The following AQP9 variants were observed in gnomAD, a reference collection of about 807,000 sequenced individuals.
AQP9 encodes the protein aquaporin 9, also known as aquaporin-9.
A neutral mutation model predicts 23.8 loss-of-function variants in AQP9; 19 were observed. The ratio of observed to expected loss-of-function variants is 0.80; its 90% confidence interval spans 0.56 to 1.17. The LOEUF (loss-of-function observed/expected upper bound fraction) is 1.17, where lower values mean the gene tolerates loss of function less well. Among genes scored for constraint, AQP9 ranks in the 50% most tolerant of loss-of-function variants. The pLI is 0.00. For missense variants in AQP9, 413 were observed against 362.0 expected, an observed-to-expected ratio of 1.14 and a Z score of -1.14; for synonymous variants, 153 against 131.5, an observed-to-expected ratio of 1.16 and a Z score of -1.12.
At chr15:58,154,799 T>A (rs1226673846) in intron 1 of AQP9, among the ~76,000 whole-genome samples, 7 of 151,396 alleles carry the variant, frequency 4.6e-5, no homozygotes, top group African/African-American at 1.5e-4. Flanking sequence ...ATTAACCCTA[T>A]CCCCTCCCCA....
At chr15:58,179,080 G>T in intron 4 of AQP9, 48 bp from the exon 5 acceptor site, 2 of 1,340,990 alleles carry the variant, frequency 1.5e-6, no homozygotes, top group Non-Finnish European at 2.1e-6. Context: ...AGACATGCAG[G>T]TGAGCAGAAT....
intron 5 of AQP9, among the ~76,000 whole-genome samples, chr15:58,183,044 T>G (rs1031269067): frequency 1.1e-4 from 16 of 152,218 alleles, no homozygotes; most frequent in African/African-American, 3.6e-4. Flanking sequence ...TTCAGCATAA[T>G]GATGAAAAGA....
At chr15:58,161,718 C>T (rs1898386796) in intron 1 of AQP9, among the ~76,000 whole-genome samples, 1 of 152,126 alleles carries the variant, frequency 6.6e-6, no homozygotes, top group Non-Finnish European at 1.5e-5. Flanking sequence ...TGAGTTTATA[C>T]TAAAAACAAT....
intron 1 of AQP9, among the ~76,000 whole-genome samples, chr15:58,141,244 C>T (rs1310359852): frequency 6.6e-6 from 1 of 152,198 alleles, no homozygotes; most frequent in Non-Finnish European, 1.5e-5. Flanking sequence ...ATTCTCCTCT[C>T]TCTTCAAACT....
intron 1 of AQP9, among the ~76,000 whole-genome samples, chr15:58,141,923 A>G (rs1408404181): frequency 6.6e-6 from 1 of 152,246 alleles, no homozygotes; most frequent in Non-Finnish European, 1.5e-5. Context: ...AAATTAAAGG[A>G]AACGTCCACT....
At chr15:58,146,568 A>T (rs987142967) in intron 1 of AQP9, among the ~76,000 whole-genome samples, 1 of 151,828 alleles carries the variant, frequency 6.6e-6, no homozygotes, top group African/African-American at 2.4e-5. Flanking sequence ...GTTGCGGGGG[A>T]GTGAATCATT....
chr15:58,181,963 T>C (rs1325150253), intron 5 of AQP9, among the ~76,000 whole-genome samples: 1 of 151,734 alleles, frequency 6.6e-6, no homozygotes, highest in Non-Finnish European at 1.5e-5. Flanking sequence ...CCTCAGTAGA[T>C]ATCCTAGCTT....
intron 1 of AQP9, among the ~76,000 whole-genome samples, chr15:58,147,337 T>G (rs1318411597): frequency 6.6e-6 from 1 of 152,092 alleles, no homozygotes; most frequent in Non-Finnish European, 1.5e-5. Flanking sequence ...TGGCCCTTAT[T>G]TACTCATCAG....
intron 1 of AQP9, among the ~76,000 whole-genome samples, chr15:58,161,114 C>T (rs1898372438): frequency 1.3e-5 from 2 of 152,026 alleles, no homozygotes; most frequent in South Asian, 4.1e-4. Context: ...CTTCATCTGG[C>T]ATGGTCTCTG....
At chr15:58,181,101 G>T (rs1595748179) in intron 5 of AQP9, among the ~76,000 whole-genome samples, 1 of 152,156 alleles carries the variant, frequency 6.6e-6, no homozygotes, top group East Asian at 1.9e-4. Flanking sequence ...GAGACATGGT[G>T]GTTCCAAAAC....
rs1899015860 is a variant in AQP9 at position 58,185,726 on chromosome 15, C to T, written c.*1591C>T. 6.6e-6 allele frequency: 1 copy of T among 152,168 alleles called. No homozygotes were observed. Among genetic ancestry groups the T allele is most frequent in the Non-Finnish European group, 1.5e-5 (1 of 68,032 alleles). The allele number at this position is 152,168 out of a possible 1,614,324, so 9.4% of individuals were successfully genotyped here. A position where few individuals can be genotyped will look rare whatever the true frequency, so the allele number is the denominator to read the frequency against. On this transcript the variant is annotated 3_prime_UTR_variant, in exon 6 of 6. Transcript: ENST00000219919. ...CACCTTCAGTCAAACTGTCAAAAAG[C>T]CCAGAATTCCCAAAGGCATTAGGTT...
chr15:58,183,711 A>C (rs1429127088), intron 5 of AQP9, among the ~76,000 whole-genome samples: 1 of 152,160 alleles, frequency 6.6e-6, no homozygotes, highest in Non-Finnish European at 1.5e-5. Flanking sequence ...ATTTTATAAA[A>C]AGAAAATAAA....
chr15:58,174,663 C>A (rs1898699290), intron 3 of AQP9, among the ~76,000 whole-genome samples: 2 of 152,262 alleles, frequency 1.3e-5, no homozygotes, highest in African/African-American at 4.8e-5. Context: ...ATTCCCAGGA[C>A]CCTATCGAAG....
At chr15:58,146,960 C>G (rs4511467) in intron 1 of AQP9, 13,203 of 152,236 alleles carry the variant, frequency 0.087, 872 homozygotes, top group Admixed American at 0.17. Flanking sequence ...CTTTGAGTCA[C>G]TAGCAGCTGA....
chr15:58,160,649 ACTT>A (rs1898358450), intron 1 of AQP9, among the ~76,000 whole-genome samples: 4 of 129,256 alleles, frequency 3.1e-5, no homozygotes, highest in African/African-American at 1.0e-4. Flanking sequence ...AAAAAAATGT[ACTT>A]CCCTGGTGGA....
In AQP9 at chr15:58,185,377, G is replaced by C. The variant is rs1271568303; in HGVS notation, c.*1242G>C. On this transcript the variant is annotated 3_prime_UTR_variant, in exon 6 of 6. Coordinates refer to ENST00000219919, the MANE Select transcript of AQP9 (RefSeq NM_020980.5). ...AGCTTCTAGAATATGTACACCTCTG[G>C]ACAAAATGTTCCTCAATCTTAAGAT... 1 of 152,598 alleles carries C rather than the reference G, an allele frequency of 6.6e-6. No individual in the cohort carries two copies. The highest frequency in any genetic ancestry group is 1.5e-5 in the Non-Finnish European group (1 of 68,038). The allele number at this position is 152,598 out of a possible 1,614,324, so 9.5% of individuals were successfully genotyped here.
At chr15:58,157,346 G>C (rs1359116624) in intron 1 of AQP9, among the ~76,000 whole-genome samples, 1 of 152,156 alleles carries the variant, frequency 6.6e-6, no homozygotes, top group African/African-American at 2.4e-5. Flanking sequence ...GTCTTTGAAA[G>C]AACAATAATG....
chr15:58,171,070 G>A (rs1220511755), intron 2 of AQP9, among the ~76,000 whole-genome samples: 1 of 151,520 alleles, frequency 6.6e-6, no homozygotes, highest in Admixed American at 6.6e-5. Flanking sequence ...GATCACAGGT[G>A]CGAGCCACCA....
Position 58,159,155 on chromosome 15 carries a change from G to A in AQP9, c.112-7518G>A, listed in dbSNP as rs533017798. On this transcript the variant is annotated intron_variant, in intron 1 of 5. Coordinates refer to ENST00000219919, the MANE Select transcript of AQP9 (RefSeq NM_020980.5). ...ACTTCACCATGTCGGGTTTTACATT[G>A]TGTCCAATAAACAGCTTGTCACAGG... Among the ~76,000 whole-genome samples, 56 of 152,182 alleles carry A rather than the reference G, an allele frequency of 3.7e-4. 1 individual carries two copies. The highest frequency in any genetic ancestry group is 9.6e-4 in the East Asian group (5 of 5,186).
Sources: allele counts gnomAD v4.1 joint callset (sites outside exome capture counted in the v4.1 genomes callset), GRCh38; gene constraint gnomAD v4.1.1; transcripts MANE v1.5; gene names NCBI Gene and HGNC (gene_info 2026-07-23, HGNC 2026-07-21).